The following FOXP2 variants were observed in gnomAD, a reference collection of about 807,000 sequenced individuals.
The protein encoded by FOXP2 is forkhead box protein P2.
In FOXP2, 12 loss-of-function variants were observed where a neutral mutation model predicts 115.8. The observed-to-expected ratio is 0.10, with a 90% CI of 0.07 to 0.17. FOXP2 has a LOEUF of 0.17. Among genes scored for constraint, FOXP2 ranks in the 10% least tolerant of loss-of-function variants. FOXP2 has a pLI of 1.00. For missense variants in FOXP2, 629 were observed against 843.5 expected, an observed-to-expected ratio of 0.75 and a Z score of 3.15; for synonymous variants, 328 against 297.7, an observed-to-expected ratio of 1.10 and a Z score of -1.05.
At chr7:114,688,228 CA>C in intron 16 of FOXP2, among the ~76,000 whole-genome samples, 1 of 116,130 alleles carries the variant, frequency 8.6e-6, no homozygotes, top group South Asian at 3.1e-4. Context: ...CACACACACA[CA>C]CACACACACA....
At chr7:114,247,962 C>G (rs934664401) in intron 1 of FOXP2, among the ~76,000 whole-genome samples, 1 of 151,936 alleles carries the variant, frequency 6.6e-6, no homozygotes, top group African/African-American at 2.4e-5. Flanking sequence ...CACACACGTA[C>G]ACACACACAG....
At chr7:114,634,238 C>T (rs1043642856) in intron 6 of FOXP2, among the ~76,000 whole-genome samples, 6 of 152,046 alleles carry the variant, frequency 3.9e-5, no homozygotes, top group Admixed American at 6.6e-5. Context: ...TCAAGTGATC[C>T]GCCTGCCTCG....
At chr7:114,479,680 T>C (rs1221328206) in intron 2 of FOXP2, among the ~76,000 whole-genome samples, 2 of 151,636 alleles carry the variant, frequency 1.3e-5, no homozygotes, top group East Asian at 1.9e-4. Flanking sequence ...AATTTGTGAA[T>C]TGAAATTTTT....
intron 2 of FOXP2, among the ~76,000 whole-genome samples, chr7:114,344,352 G>A (rs534223492): frequency 6.6e-6 from 1 of 151,880 alleles, no homozygotes; most frequent in South Asian, 2.1e-4. Context: ...AAAATGACAT[G>A]TTACAAAGAT....
intron 2 of FOXP2, among the ~76,000 whole-genome samples, chr7:114,441,163 T>A (rs1364867244): frequency 6.6e-6 from 1 of 152,052 alleles, no homozygotes; most frequent in Non-Finnish European, 1.5e-5. Context: ...AATCGGAATG[T>A]TCGGCTGGGT....
intron 2 of FOXP2, among the ~76,000 whole-genome samples, chr7:114,458,251 ATG>A (rs1447118868): frequency 6.6e-6 from 1 of 152,192 alleles, no homozygotes; most frequent in Non-Finnish European, 1.5e-5. Context: ...GTATAGTTAT[ATG>A]TATAAAAATT....
At chr7:114,390,025 A>AT (rs769771262) in intron 2 of FOXP2, among the ~76,000 whole-genome samples, 3 of 58,668 alleles carry the variant, frequency 5.1e-5, no homozygotes, top group African/African-American at 3.9e-4. Context: ...TTCAGTGTCA[A>AT]AAAAAAAAAA....
intron 2 of FOXP2, among the ~76,000 whole-genome samples, chr7:114,396,604 G>A (rs757477839): frequency 6.6e-6 from 1 of 151,584 alleles, no homozygotes; most frequent in African/African-American, 2.4e-5. Context: ...ATTCATATGT[G>A]GAATCTTAAA....
At chr7:114,528,296 A>T (rs1287135931) in intron 2 of FOXP2, among the ~76,000 whole-genome samples, 2 of 152,058 alleles carry the variant, frequency 1.3e-5, no homozygotes, top group Non-Finnish European at 2.9e-5. Context: ...CCTCCATAAA[A>T]ATTTCAATGA....
At chr7:114,616,159 G>GTTGTCGTTTTTGTTTTTTT (rs1803939427) in intron 3 of FOXP2, among the ~76,000 whole-genome samples, 1 of 149,348 alleles carries the variant, frequency 6.7e-6, no homozygotes. Context: ...TATGTTTTTT[G>GTTGTCGTTTTTGTTTTTTT]TTGTCGTTTT....
intron 3 of FOXP2, among the ~76,000 whole-genome samples, chr7:114,598,443 G>T (rs879394406): frequency 6.6e-6 from 1 of 152,094 alleles, no homozygotes; most frequent in Non-Finnish European, 1.5e-5. Context: ...TCAATGTTCT[G>T]ATAATTTTGC....
At chr7:114,180,620 C>T (rs1793430781) in intron 1 of FOXP2, among the ~76,000 whole-genome samples, 1 of 152,024 alleles carries the variant, frequency 6.6e-6, no homozygotes, top group African/African-American at 2.4e-5. Flanking sequence ...CTATGCTTCT[C>T]TTATGATATG....
chr7:114,540,991 A>C (rs1034010742), intron 3 of FOXP2, among the ~76,000 whole-genome samples: 1 of 152,100 alleles, frequency 6.6e-6, no homozygotes, highest in African/African-American at 2.4e-5. Flanking sequence ...AAGTGAAATT[A>C]TCAAAGCAGT....
At chr7:114,274,116 T>C (rs1259302703) in intron 1 of FOXP2, among the ~76,000 whole-genome samples, 1 of 152,018 alleles carries the variant, frequency 6.6e-6, no homozygotes, top group East Asian at 1.9e-4. Flanking sequence ...TCCCATAGTT[T>C]GCAATATAGA....
chr7:114,248,945 A>C (rs935230476), intron 1 of FOXP2, among the ~76,000 whole-genome samples: 2 of 152,198 alleles, frequency 1.3e-5, no homozygotes, highest in Non-Finnish European at 2.9e-5. Flanking sequence ...CTTGGATTCA[A>C]AGTTAACCCT....
At chr7:114,601,717 A>G (rs541354466) in intron 3 of FOXP2, among the ~76,000 whole-genome samples, 97 of 152,210 alleles carry the variant, frequency 6.4e-4, no homozygotes, top group Admixed American at 1.1e-3. Context: ...TTTAATTTCA[A>G]TTATGACTTT....
At chr7:114,334,929 ATC>A (rs1190751136) in intron 2 of FOXP2, among the ~76,000 whole-genome samples, 43 of 108,732 alleles carry the variant, frequency 4.0e-4, no homozygotes, top group South Asian at 1.3e-3. Flanking sequence ...ATATATAGAA[ATC>A]TATATATATA....
At chr7:114,450,114 A>C (rs561623976) in intron 2 of FOXP2, among the ~76,000 whole-genome samples, 1 of 152,272 alleles carries the variant, frequency 6.6e-6, no homozygotes, top group African/African-American at 2.4e-5. Flanking sequence ...AAATATCAGT[A>C]AGTTTTGTAA....
At chr7:114,489,879 A>T (rs369245564) in intron 2 of FOXP2, among the ~76,000 whole-genome samples, 147 of 152,250 alleles carry the variant, frequency 9.7e-4, no homozygotes, top group African/African-American at 3.4e-3. Context: ...ACAACGAGAT[A>T]TTGCTGTGTA....
Sources: gnomAD v4.1 joint callset for allele counts (sites outside exome capture counted in the v4.1 genomes callset) on GRCh38, gnomAD v4.1.1 for gene constraint, MANE v1.5 for transcripts, NCBI Gene and HGNC (gene_info 2026-07-23, HGNC 2026-07-21) for gene names.